The following ARNT2 variants were observed in gnomAD, a reference collection of about 807,000 sequenced individuals.
ARNT2 encodes ARNT protein 2.
Under a neutral mutation model 91.7 loss-of-function variants are expected in ARNT2, and 36 were observed. The ratio of observed to expected loss-of-function variants is 0.39; its 90% CI spans 0.30 to 0.52. The LOEUF is 0.52. Among genes scored for constraint, ARNT2 ranks in the 20% least tolerant of loss-of-function variants. The pLI is 0.72. For missense variants in ARNT2, 775 were observed against 939.3 expected, an observed-to-expected ratio of 0.83 and a Z score of 2.29; for synonymous variants, 365 against 347.1, an observed-to-expected ratio of 1.05 and a Z score of -0.57.
At chr15:80,445,657 C>T (rs117355348) in intron 1 of ARNT2, among the ~76,000 whole-genome samples, 3,457 of 152,034 alleles carry the variant, frequency 0.023, 51 homozygotes, top group Non-Finnish European at 0.039. Flanking sequence ...GACTCAGCTC[C>T]GCACAGGGAG....
intron 12 of ARNT2, among the ~76,000 whole-genome samples, chr15:80,573,017 C>T (rs147085525): frequency 2.0e-5 from 3 of 152,332 alleles, no homozygotes; most frequent in Non-Finnish European, 4.4e-5. Context: ...TTCCTTACTA[C>T]AGCTCAGCAG....
intron 8 of ARNT2, among the ~76,000 whole-genome samples, chr15:80,532,254 C>T (rs1897752253): frequency 6.6e-6 from 1 of 152,098 alleles, no homozygotes; most frequent in African/African-American, 2.4e-5. Context: ...GTCAGGACAC[C>T]TCTTTGGTCA....
chr15:80,507,406 C>T (rs1897290356), intron 5 of ARNT2, among the ~76,000 whole-genome samples: 1 of 152,098 alleles, frequency 6.6e-6, no homozygotes, highest in Non-Finnish European at 1.5e-5. Context: ...TGTCTGGTTT[C>T]TGACTTAGAT....
intron 6 of ARNT2, among the ~76,000 whole-genome samples, chr15:80,513,479 A>G (rs1415332297): frequency 6.6e-6 from 1 of 152,208 alleles, no homozygotes; most frequent in African/African-American, 2.4e-5. Flanking sequence ...GTTACTGTTC[A>G]TTAACTGGCA....
intron 8 of ARNT2, among the ~76,000 whole-genome samples, chr15:80,539,457 A>G (rs556122678): frequency 4.6e-5 from 7 of 152,316 alleles, no homozygotes; most frequent in Middle Eastern, 3.4e-3. Context: ...CTTAACATAG[A>G]TGAAACACAC....
chr15:80,495,592 G>T (rs1897115092), intron 5 of ARNT2, among the ~76,000 whole-genome samples: 1 of 152,240 alleles, frequency 6.6e-6, no homozygotes, highest in South Asian at 2.1e-4. Flanking sequence ...GGGCTGGAGG[G>T]TTTGTCAGAA....
chr15:80,450,405 A>G (rs1414745769), intron 1 of ARNT2, among the ~76,000 whole-genome samples: 1 of 152,130 alleles, frequency 6.6e-6, no homozygotes, highest in Non-Finnish European at 1.5e-5. Flanking sequence ...CGTGGCAACC[A>G]GCCTTTCTGC....
chr15:80,518,277 CTTTTTT>C (rs56726705), intron 8 of ARNT2, among the ~76,000 whole-genome samples: 6 of 89,352 alleles, frequency 6.7e-5, no homozygotes, highest in African/African-American at 2.3e-4. Flanking sequence ...TTTTTCTATT[CTTTTTT>C]TTTTTTTTTT....
chr15:80,480,734 C>T (rs1002354044), intron 5 of ARNT2, among the ~76,000 whole-genome samples: 11 of 151,650 alleles, frequency 7.3e-5, no homozygotes. Flanking sequence ...CCAAATTCCT[C>T]CCTCCCTCCC....
chr15:80,578,869 C>G (rs1011813839), intron 15 of ARNT2, among the ~76,000 whole-genome samples: 4 of 152,216 alleles, frequency 2.6e-5, no homozygotes, highest in African/African-American at 9.6e-5. Context: ...TCCGAAGGAT[C>G]TGAGCTGGCT....
At chr15:80,567,706 G>A (rs1898511520) in intron 12 of ARNT2, among the ~76,000 whole-genome samples, 1 of 152,222 alleles carries the variant, frequency 6.6e-6, no homozygotes, top group South Asian at 2.1e-4. Context: ...AGTTCCTCCA[G>A]ACAACTGCTT....
intron 8 of ARNT2, among the ~76,000 whole-genome samples, chr15:80,546,705 C>T (rs1897996691): frequency 6.6e-6 from 1 of 152,176 alleles, no homozygotes; most frequent in Non-Finnish European, 1.5e-5. Context: ...TGGCTCATGC[C>T]TATAATCCCA....
chr15:80,428,599 T>C (rs924541040), intron 1 of ARNT2, among the ~76,000 whole-genome samples: 1 of 152,240 alleles, frequency 6.6e-6, no homozygotes, highest in Non-Finnish European at 1.5e-5. Flanking sequence ...GAGGAACTGG[T>C]AGAACTCAGA....
intron 1 of ARNT2, among the ~76,000 whole-genome samples, chr15:80,431,548 G>A (rs957845522): frequency 6.6e-6 from 1 of 152,176 alleles, no homozygotes; most frequent in African/African-American, 2.4e-5. Flanking sequence ...AGCCATTCCC[G>A]GATGGGCCGT....
At chr15:80,514,519 T>C in intron 8 of ARNT2, 114 bp downstream of exon 8, 1 of 907,902 alleles carries the variant, frequency 1.1e-6, no homozygotes, top group Non-Finnish European at 1.7e-6. Context: ...TTCTTATTTT[T>C]CTTTGTGGTT....
chr15:80,460,725 C>T (rs541570813), intron 3 of ARNT2, among the ~76,000 whole-genome samples: 2 of 152,234 alleles, frequency 1.3e-5, no homozygotes, highest in Admixed American at 6.5e-5. Flanking sequence ...CATGAAGATG[C>T]GTGAGAACAA....
At chr15:80,463,847 GGTGTGAGCCACT>G (rs1896605192) in intron 3 of ARNT2, among the ~76,000 whole-genome samples, 2 of 152,132 alleles carry the variant, frequency 1.3e-5, no homozygotes, top group South Asian at 4.1e-4. Flanking sequence ...TGGGATTATA[GGTGTGAGCCACT>G]GTGCCCAGCC....
chr15:80,576,302 A>G (rs1234074384), intron 14 of ARNT2, among the ~76,000 whole-genome samples: 1 of 151,126 alleles, frequency 6.6e-6, no homozygotes, highest in Non-Finnish European at 1.5e-5. Flanking sequence ...TTTGAGGTGG[A>G]GTCTTGCTCT....
intron 8 of ARNT2, among the ~76,000 whole-genome samples, chr15:80,517,918 A>G (rs576142352): frequency 1.3e-5 from 2 of 152,132 alleles, no homozygotes; most frequent in Non-Finnish European, 2.9e-5. Context: ...TACGTTTTCC[A>G]TGAGAGTTTA....
Sources: allele counts gnomAD v4.1 joint callset (sites outside exome capture counted in the v4.1 genomes callset), GRCh38; gene constraint gnomAD v4.1.1; transcripts MANE v1.5; gene names NCBI Gene and HGNC (gene_info 2026-07-23, HGNC 2026-07-21).